The following FBXL13 variants were observed in gnomAD, a reference collection of about 807,000 sequenced individuals.
FBXL13 encodes the protein F-box and leucine rich repeat protein 13.
A neutral mutation model predicts 83.6 loss-of-function variants in FBXL13; 67 were observed. The observed-to-expected ratio is 0.80, with a 90% CI of 0.66 to 0.98. FBXL13 has a LOEUF of 0.98. Among genes scored for constraint, FBXL13 ranks in the 50% least tolerant of loss-of-function variants. The pLI is 0.00. For missense variants in FBXL13, 822 were observed against 866.5 expected, an observed-to-expected ratio of 0.95 and a Z score of 0.64; for synonymous variants, 272 against 299.5, an observed-to-expected ratio of 0.91 and a Z score of 0.95.
chr7:102,987,773 G>A (rs1336508833), intron 6 of FBXL13, among the ~76,000 whole-genome samples: 3 of 152,152 alleles, frequency 2.0e-5, no homozygotes, highest in African/African-American at 7.2e-5. Flanking sequence ...TGGATGACAA[G>A]TGATGACACC....
intron 16 of FBXL13, among the ~76,000 whole-genome samples, chr7:102,864,731 A>G (rs1349654168): frequency 1.4e-5 from 2 of 145,518 alleles, no homozygotes; most frequent in Non-Finnish European, 3.0e-5. Flanking sequence ...CCTTTTCAGC[A>G]AACAAATCTT....
At chr7:103,003,076 T>C (rs911923438) in intron 6 of FBXL13, among the ~76,000 whole-genome samples, 1 of 152,084 alleles carries the variant, frequency 6.6e-6, no homozygotes, top group African/African-American at 2.4e-5. Context: ...TTGTAGGCAT[T>C]CTTCATTCCT....
At chr7:102,870,913 C>T (rs541066096) in intron 16 of FBXL13, among the ~76,000 whole-genome samples, 15 of 152,176 alleles carry the variant, frequency 9.9e-5, no homozygotes, top group African/African-American at 3.1e-4. Context: ...GAGACCCTTT[C>T]TCTAAAAAAA....
At chr7:102,943,353 C>CA (rs1254669013) in intron 8 of FBXL13, among the ~76,000 whole-genome samples, 27 of 147,740 alleles carry the variant, frequency 1.8e-4, no homozygotes, top group African/African-American at 6.7e-4. Context: ...AAAAAAAGCC[C>CA]AAAATACATT....
intron 2 of FBXL13, among the ~76,000 whole-genome samples, chr7:103,037,446 A>C (rs1229126111): frequency 6.6e-6 from 1 of 152,044 alleles, no homozygotes; most frequent in Non-Finnish European, 1.5e-5. Flanking sequence ...TTTCATTTAC[A>C]TTTTAGGGTT....
chr7:102,895,745 T>C (rs1812173541), intron 11 of FBXL13, among the ~76,000 whole-genome samples: 1 of 152,136 alleles, frequency 6.6e-6, no homozygotes, highest in Admixed American at 6.5e-5. Flanking sequence ...AAACCAGGAA[T>C]CATCACCCTC....
chr7:103,064,467 G>A (rs1229592754), intron 1 of FBXL13, among the ~76,000 whole-genome samples: 4 of 152,194 alleles, frequency 2.6e-5, no homozygotes, highest in African/African-American at 7.2e-5. Flanking sequence ...GAGAACATGG[G>A]AAAGGAAGAA....
In FBXL13 at chr7:102,964,404, A is replaced by ATATATTT. The variant is rs796873670; in HGVS notation, c.592-740_592-739insAAATATA. ...CAATTTTGTGACTATATATATATAT[A>ATATATTT]TTTTTTTTTTTTTTTCCAGACTGAG... On this transcript the variant is annotated intron_variant, in intron 7 of 19. Transcript: ENST00000313221. Among the ~76,000 whole-genome samples, 25 of 143,296 alleles carry ATATATTT rather than the reference A, an allele frequency of 1.7e-4. No individual in the cohort carries two copies. The East Asian group carries it at 2.5e-3, about 14-fold the overall frequency. 94.0% of individuals were successfully genotyped at this position (143,296 alleles called of 152,430 possible). A position where few individuals can be genotyped will look rare whatever the true frequency, so the allele number is the denominator to read the frequency against.
chr7:102,916,082 C>T (rs1173352334), intron 10 of FBXL13, among the ~76,000 whole-genome samples: 3 of 151,938 alleles, frequency 2.0e-5, no homozygotes, highest in African/African-American at 7.3e-5. Context: ...CTCCCAGGCT[C>T]AAGTGATTCT....
chr7:102,861,789 C>T (rs1203443743), intron 16 of FBXL13, among the ~76,000 whole-genome samples: 3 of 151,634 alleles, frequency 2.0e-5, no homozygotes, highest in African/African-American at 7.3e-5. Context: ...CACGACCAGC[C>T]TGGCCAGCAT....
chr7:103,059,186 G>A (rs1272375961), intron 1 of FBXL13, among the ~76,000 whole-genome samples: 4 of 152,178 alleles, frequency 2.6e-5, no homozygotes, highest in Non-Finnish European at 4.4e-5. Flanking sequence ...TGGGAGGTGG[G>A]AGGATTGCTT....
At chr7:102,952,945 C>T (rs527698308) in intron 8 of FBXL13, among the ~76,000 whole-genome samples, 4 of 152,252 alleles carry the variant, frequency 2.6e-5, no homozygotes, top group African/African-American at 4.8e-5. Context: ...GATTGCACCA[C>T]TGAACTCCAG....
rs10602252 is a variant in FBXL13, at chr7:102,851,553, T to TTC, written c.1719+3222_1719+3223dup. On this transcript the variant is annotated intron_variant, in intron 17 of 19. Transcript: ENST00000313221. ...CTCCTCCTCTTCCTTTTCCTTCTTC[T>TTC]TCTCTCTCTCTCTCTCTCTTTCTCT... Among the ~76,000 whole-genome samples the TTC allele has an allele frequency of 8.6e-4, 124 of 143,560 alleles. 2 individuals carry two copies. In the South Asian group the frequency reaches 0.013, roughly 15 times the overall value. 94.2% of individuals were successfully genotyped at this position (143,560 alleles called of 152,430 possible).
chr7:102,839,275 C>T (rs1292440291), intron 17 of FBXL13, among the ~76,000 whole-genome samples: 2 of 152,204 alleles, frequency 1.3e-5, no homozygotes, highest in Admixed American at 1.3e-4. Flanking sequence ...TCCCCACCAT[C>T]ACCCTGCTCT....
intron 8 of FBXL13, chr7:102,939,403 T>C (rs1820953192): frequency 6.3e-7 from 1 of 1,586,266 alleles, no homozygotes; most frequent in Admixed American, 1.8e-5. Context: ...AAGAGCATAA[T>C]AACGTAAATA....
At chr7:102,835,813 T>G (rs984968576) in intron 17 of FBXL13, among the ~76,000 whole-genome samples, 8 of 151,244 alleles carry the variant, frequency 5.3e-5, no homozygotes, top group African/African-American at 1.7e-4. Flanking sequence ...GTTTCACCGT[T>G]TTAGCCGGGA....
chr7:102,953,472 T>C (rs576610764), intron 8 of FBXL13, among the ~76,000 whole-genome samples: 1 of 152,020 alleles, frequency 6.6e-6, no homozygotes, highest in Non-Finnish European at 1.5e-5. Flanking sequence ...CCTTTTATAA[T>C]AAGAACACTC....
At position 102,889,150 on chromosome 7, in the gene FBXL13, C is replaced by T. The variant is rs17135892; in HGVS notation, c.1009-4838G>A. Among the ~76,000 whole-genome samples the T allele has an allele frequency of 0.016, 2,389 of 152,248 alleles. 117 individuals carry two copies. The East Asian group carries it at 0.16, about 10-fold the overall frequency. On this transcript the variant is annotated intron_variant, in intron 11 of 19. Coordinates refer to ENST00000313221, the Ensembl canonical transcript of FBXL13. ...GGGGTCTTGAGAACTCATTGTGGTG[C>T]AGCCCTCTTACTGCAAACAAAGAAA...
At chr7:102,832,873 G>A (rs745462844) in exon 18 of FBXL13, 2 of 1,614,194 alleles carry the variant, frequency 1.2e-6, no homozygotes, top group Middle Eastern at 1.6e-4. Flanking sequence ...GAGATGTGAG[G>A]TTAATGCAGT....
Sources: gnomAD v4.1 joint callset for allele counts (sites outside exome capture counted in the v4.1 genomes callset) on GRCh38, gnomAD v4.1.1 for gene constraint, MANE v1.5 for transcripts, NCBI Gene and HGNC (gene_info 2026-07-23, HGNC 2026-07-21) for gene names.